The following TAOK3 variants were observed in gnomAD, a reference collection of about 807,000 sequenced individuals.
TAOK3 encodes TAO kinase 3, also known as serine/threonine-protein kinase TAO3.
TAOK3 carries 40 observed loss-of-function variants against 120.4 expected under a neutral mutation model. The ratio of observed to expected loss-of-function variants is 0.33; its 90% CI spans 0.26 to 0.43. TAOK3 has a LOEUF of 0.43. TAOK3 is among the 20% of genes least tolerant of loss of function. The pLI, the probability that TAOK3 is intolerant of heterozygous loss-of-function variation, is 1.00. For missense variants in TAOK3, 821 were observed against 1,112.1 expected, an observed-to-expected ratio of 0.74 and a Z score of 3.72; for synonymous variants, 355 against 387.5, an observed-to-expected ratio of 0.92 and a Z score of 0.99.
At chr12:118,210,586 T>C (rs1202359871) in intron 11 of TAOK3, among the ~76,000 whole-genome samples, 1 of 152,168 alleles carries the variant, frequency 6.6e-6, no homozygotes, top group Non-Finnish European at 1.5e-5. Context: ...CCCCTCTTCA[T>C]GCATGTATCT....
chr12:118,252,678 T>A (rs2040807416), intron 3 of TAOK3, among the ~76,000 whole-genome samples: 1 of 151,924 alleles, frequency 6.6e-6, no homozygotes, highest in South Asian at 2.1e-4. Context: ...GACTACACAC[T>A]AACAAGGGAG....
intron 1 of TAOK3, among the ~76,000 whole-genome samples, chr12:118,273,109 C>T (rs1302447888): frequency 6.6e-6 from 1 of 152,104 alleles, no homozygotes; most frequent in East Asian, 1.9e-4. Context: ...GATTGAACTT[C>T]TGTTACTATT....
intron 13 of TAOK3, among the ~76,000 whole-genome samples, chr12:118,192,821 A>C (rs957302645): frequency 1.3e-5 from 2 of 152,236 alleles, no homozygotes; most frequent in Admixed American, 1.3e-4. Flanking sequence ...ATTTTTATGC[A>C]GTTATGCACT....
chr12:118,277,612 C>T (rs1403247744), intron 1 of TAOK3, among the ~76,000 whole-genome samples: 1 of 151,978 alleles, frequency 6.6e-6, no homozygotes, highest in African/African-American at 2.4e-5. Context: ...AGGCGCGCAC[C>T]ACCATGCCTG....
chr12:118,326,189 T>C (rs1319501461), intron 1 of TAOK3, among the ~76,000 whole-genome samples: 1 of 152,216 alleles, frequency 6.6e-6, no homozygotes, highest in Non-Finnish European at 1.5e-5. Flanking sequence ...ATTTTTTGTA[T>C]ATGGTTGAGA....
chr12:118,229,657 C>T (rs185120157), intron 9 of TAOK3, among the ~76,000 whole-genome samples: 20 of 152,188 alleles, frequency 1.3e-4, no homozygotes, highest in African/African-American at 4.8e-4. Flanking sequence ...CTAGGCCGGG[C>T]CTGGTGGCTC....
Position 118,189,828 on chromosome 12 carries a change from G to C in TAOK3, c.1308C>G (p.Ala436=), listed in dbSNP as rs1357104056. 6.2e-7 allele frequency: 1 copy of C among 1,614,168 alleles called. No individual in the cohort carries two copies. Among genetic ancestry groups the C allele is most frequent in the Middle Eastern group, 1.6e-4 (1 of 6,062 alleles). Reference sequence around the variant, plus strand: ...TTACCAAAGATGCTGATTTGATCGTGGCAAAGCGCTCTCTGTTCCGGTAGT... The same window carrying C: ...TTACCAAAGATGCTGATTTGATCGTCGCAAAGCGCTCTCTGTTCCGGTAGT... ...ALHYRNRERF[A]TIKSASLVTR... Residue 436 remains alanine, a synonymous_variant, in exon 14 of 21, where the codon GCC becomes GCG. Coordinates refer to ENST00000392533, the MANE Select transcript of TAOK3 (RefSeq NM_016281.4).
intron 1 of TAOK3, among the ~76,000 whole-genome samples, chr12:118,354,976 T>C (rs2045332822): frequency 6.6e-6 from 1 of 152,078 alleles, no homozygotes; most frequent in Non-Finnish European, 1.5e-5. Flanking sequence ...GGAGGGTCCC[T>C]TGAGTCTAGG....
In TAOK3 at chr12:118,329,370, C is replaced by T. The variant is rs538832118; in HGVS notation, c.-194+43278G>A. Among the ~76,000 whole-genome samples the T allele has an allele frequency of 2.6e-4, 39 of 152,136 alleles. No homozygotes were observed. In the South Asian group the frequency reaches 3.1e-3, roughly 12 times the overall value. ...ACCAGGATTTGTGTCCTGAAGGATACGAATTGCAAAGCAATTCAAACTGAT... is the reference window on the plus strand; with the variant it reads ...ACCAGGATTTGTGTCCTGAAGGATATGAATTGCAAAGCAATTCAAACTGAT... On this transcript the variant is annotated intron_variant, in intron 1 of 20. Transcript: ENST00000392533.
In TAOK3 at chr12:118,331,434, C is replaced by G. The variant is rs553010439; in HGVS notation, c.-194+41214G>C. On this transcript the variant is annotated intron_variant, in intron 1 of 20. Transcript: ENST00000392533. ...CCGAGGTAGGTGGATCGCTTGAGGC[C>G]AGAAGTTCGAGACCAGCCTGGCCAA... Among the ~76,000 whole-genome samples the G allele has an allele frequency of 1.5e-4, 23 of 152,072 alleles. No homozygotes were observed. In the South Asian group the frequency reaches 2.5e-3, roughly 16 times the overall value.
chr12:118,322,350 T>A (rs1280654153), intron 1 of TAOK3, among the ~76,000 whole-genome samples: 1 of 150,392 alleles, frequency 6.6e-6, no homozygotes, highest in Non-Finnish European at 1.5e-5. Context: ...AGAAAGACAC[T>A]GCGTTTGTTC....
intron 19 of TAOK3, among the ~76,000 whole-genome samples, chr12:118,156,852 C>T (rs567151011): frequency 6.6e-6 from 1 of 152,248 alleles, no homozygotes; most frequent in South Asian, 2.1e-4. Context: ...ATTCTCCCGC[C>T]TCAGTCTCCC....
At chr12:118,262,803 G>A (rs1424397051) in intron 2 of TAOK3, among the ~76,000 whole-genome samples, 1 of 146,800 alleles carries the variant, frequency 6.8e-6, no homozygotes, top group Admixed American at 6.8e-5. Flanking sequence ...CTCCAGCCTG[G>A]GTGACAGAGC....
intron 14 of TAOK3, among the ~76,000 whole-genome samples, chr12:118,183,696 C>T (rs1209329414): frequency 1.3e-5 from 2 of 152,126 alleles, no homozygotes; most frequent in African/African-American, 4.8e-5. Flanking sequence ...CCATTTAGTC[C>T]TTTCTGAATT....
At chr12:118,296,013 T>C (rs949670579) in intron 1 of TAOK3, among the ~76,000 whole-genome samples, 3 of 152,190 alleles carry the variant, frequency 2.0e-5, no homozygotes, top group South Asian at 2.1e-4. Flanking sequence ...GGATGATACA[T>C]TGACAAATGA....
intron 1 of TAOK3, among the ~76,000 whole-genome samples, chr12:118,321,724 A>T (rs1400242057): frequency 6.6e-6 from 1 of 152,210 alleles, no homozygotes; most frequent in South Asian, 2.1e-4. Context: ...ATTTTTACCA[A>T]GTACATAATT....
intron 2 of TAOK3, among the ~76,000 whole-genome samples, chr12:118,259,261 C>CA (rs1367266616): frequency 6.6e-6 from 1 of 152,098 alleles, no homozygotes; most frequent in Non-Finnish European, 1.5e-5. Context: ...AAACACTGGA[C>CA]AAGGCCAGCC....
intron 14 of TAOK3, among the ~76,000 whole-genome samples, chr12:118,187,747 C>T (rs1375950654): frequency 1.3e-5 from 2 of 152,194 alleles, no homozygotes; most frequent in Non-Finnish European, 2.9e-5. Context: ...AACAGCATAT[C>T]AGCTACTCTG....
At chr12:118,232,366 T>C (rs2039821599) in intron 9 of TAOK3, among the ~76,000 whole-genome samples, 1 of 152,232 alleles carries the variant, frequency 6.6e-6, no homozygotes, top group South Asian at 2.1e-4. Context: ...CAAAGTTTTC[T>C]TCACAGTTGT....
Sources: gnomAD v4.1 joint callset for allele counts (sites outside exome capture counted in the v4.1 genomes callset) on GRCh38, gnomAD v4.1.1 for gene constraint, MANE v1.5 for transcripts, NCBI Gene and HGNC (gene_info 2026-07-23, HGNC 2026-07-21) for gene names.